The following ENTREP2 variants were observed in gnomAD, a reference collection of about 807,000 sequenced individuals.
The protein encoded by ENTREP2 is endosomal transmembrane epsin interactor 2.
chr15:29,355,488 GGACAGAGT>G, the ENTREP2 span, among the ~76,000 whole-genome samples: 1 of 145,930 alleles, frequency 6.9e-6, no homozygotes, highest in South Asian at 2.1e-4. Context: ...GCCAAAAAAG[GGACAGAGT>G]GATACAAATA....
the ENTREP2 span, among the ~76,000 whole-genome samples, chr15:29,221,008 G>A: frequency 6.6e-6 from 1 of 152,128 alleles, no homozygotes; most frequent in Non-Finnish European, 1.5e-5. Flanking sequence ...AAGAGGGAGA[G>A]AGAGACAGGA....
At chr15:29,277,540 G>C in the ENTREP2 span, among the ~76,000 whole-genome samples, 1 of 152,142 alleles carries the variant, frequency 6.6e-6, no homozygotes, top group African/African-American at 2.4e-5. Context: ...CCCGCCTGCA[G>C]TTCTCAGTAG....
At chr15:29,581,284 G>A in the ENTREP2 span, among the ~76,000 whole-genome samples, 76,931 of 151,866 alleles carry the variant, frequency 0.51, 21,839 homozygotes, top group Non-Finnish European at 0.65. Flanking sequence ...ATTAAGTATC[G>A]TTGATTCTTA....
At chr15:29,622,005 T>C in the ENTREP2 span, among the ~76,000 whole-genome samples, 1 of 152,120 alleles carries the variant, frequency 6.6e-6, no homozygotes, top group African/African-American at 2.4e-5. Flanking sequence ...ATGAGGTGCC[T>C]AGACTCATCA....
chr15:29,244,958 A>G, the ENTREP2 span, among the ~76,000 whole-genome samples: 1 of 152,226 alleles, frequency 6.6e-6, no homozygotes, highest in Non-Finnish European at 1.5e-5. Flanking sequence ...TATTTTAACA[A>G]AACATCATTA....
the ENTREP2 span, among the ~76,000 whole-genome samples, chr15:29,214,637 T>C: frequency 1.3e-5 from 2 of 150,606 alleles, no homozygotes; most frequent in African/African-American, 4.9e-5. Flanking sequence ...TGTATACATA[T>C]GTAACAAACC....
the ENTREP2 span, among the ~76,000 whole-genome samples, chr15:29,498,685 T>C: frequency 5.9e-5 from 9 of 152,180 alleles, no homozygotes; most frequent in East Asian, 1.5e-3. Context: ...TGGTATAAAG[T>C]GTAAAATCTA....
the ENTREP2 span, among the ~76,000 whole-genome samples, chr15:29,583,259 A>T: frequency 6.6e-6 from 1 of 152,204 alleles, no homozygotes; most frequent in Non-Finnish European, 1.5e-5. Context: ...ACACAGATAG[A>T]CTGAATAAAG....
At chr15:29,269,968 A>G in the ENTREP2 span, 1 of 426,594 alleles carries the variant, frequency 2.3e-6, no homozygotes, top group South Asian at 6.7e-5. Context: ...AAGTGTTGTT[A>G]CCAAACCATG....
the ENTREP2 span, among the ~76,000 whole-genome samples, chr15:29,402,251 A>AATATATATATATAT: frequency 2.3e-3 from 258 of 111,894 alleles, 2 homozygotes; most frequent in East Asian, 7.7e-3. Flanking sequence ...ATTATAGAAG[A>AATATATATATATAT]ATATATATAT....
At chr15:29,279,725 C>A in the ENTREP2 span, among the ~76,000 whole-genome samples, 1 of 152,212 alleles carries the variant, frequency 6.6e-6, no homozygotes, top group Non-Finnish European at 1.5e-5. Context: ...GTACTGACAT[C>A]TTAAAATTAA....
the ENTREP2 span, among the ~76,000 whole-genome samples, chr15:29,665,595 C>T: frequency 0.049 from 7,471 of 152,230 alleles, 513 homozygotes; most frequent in African/African-American, 0.16. Flanking sequence ...TGGAGAGCTG[C>T]GCTGACTCTG....
the ENTREP2 span, among the ~76,000 whole-genome samples, chr15:29,281,961 A>G: frequency 1.3e-5 from 2 of 152,212 alleles, no homozygotes; most frequent in African/African-American, 4.8e-5. Flanking sequence ...CTCTAAGGCA[A>G]AGAGATATTT....
the ENTREP2 span, among the ~76,000 whole-genome samples, chr15:29,459,070 G>A: frequency 6.6e-6 from 1 of 152,184 alleles, no homozygotes; most frequent in Non-Finnish European, 1.5e-5. Flanking sequence ...ACAAGGGATT[G>A]TTCTGCACCC....
chr15:29,491,740 A>G, the ENTREP2 span, among the ~76,000 whole-genome samples: 1 of 152,218 alleles, frequency 6.6e-6, no homozygotes, highest in African/African-American at 2.4e-5. Context: ...TCATGGAGAT[A>G]GCCAGCATAG....
chr15:29,384,628 CA>C, the ENTREP2 span, among the ~76,000 whole-genome samples: 1 of 152,112 alleles, frequency 6.6e-6, no homozygotes, highest in African/African-American at 2.4e-5. Context: ...GGGAGGCTGG[CA>C]AGGGAGGAAA....
At chr15:29,439,334 A>ACACACACAC in the ENTREP2 span, among the ~76,000 whole-genome samples, 4 of 99,776 alleles carry the variant, frequency 4.0e-5, no homozygotes, top group African/African-American at 1.6e-4. Flanking sequence ...CACACACACA[A>ACACACACAC]ACAGTAGAGG....
chr15:29,361,017 C>T, the ENTREP2 span, among the ~76,000 whole-genome samples: 1 of 152,266 alleles, frequency 6.6e-6, no homozygotes, highest in African/African-American at 2.4e-5. Flanking sequence ...TTCTACAGCT[C>T]GATTTACTCC....
At chr15:29,347,647 C>G in the ENTREP2 span, among the ~76,000 whole-genome samples, 3 of 151,958 alleles carry the variant, frequency 2.0e-5, no homozygotes, top group Admixed American at 2.0e-4. Flanking sequence ...ACCTTAAAAA[C>G]CATGGAGAAA....
Sources: gnomAD v4.1 joint callset for allele counts (sites outside exome capture counted in the v4.1 genomes callset) on GRCh38, gnomAD v4.1.1 for gene constraint, MANE v1.5 for transcripts, NCBI Gene and HGNC (gene_info 2026-07-23, HGNC 2026-07-21) for gene names.